Variants in CSF1R observed in about 807,000 individuals in gnomAD.
The protein encoded by CSF1R is colony stimulating factor 1 receptor.
CSF1R carries 40 observed loss-of-function variants against 110.0 expected under a neutral mutation model. The observed-to-expected ratio is 0.36, with a 90% CI of 0.28 to 0.47. The LOEUF (loss-of-function observed/expected upper bound fraction) is 0.47, where lower values mean the gene tolerates loss of function less well. Among genes scored for constraint, CSF1R ranks in the 20% least tolerant of loss-of-function variants. The probability of loss-of-function intolerance (pLI) is 0.99; values close to 1 mark genes in which losing one functional copy is unlikely to be tolerated. For missense variants in CSF1R, 1,052 were observed against 1,253.0 expected, an observed-to-expected ratio of 0.84 and a Z score of 2.42; for synonymous variants, 523 against 503.4, an observed-to-expected ratio of 1.04 and a Z score of -0.52.
intron 4 of CSF1R, 56 bp from the exon 5 acceptor site, chr5:150,077,491 T>A: frequency 6.4e-7 from 1 of 1,551,766 alleles, no homozygotes; most frequent in Non-Finnish European, 8.8e-7. Flanking sequence ...ATTAGAAAGA[T>A]CTGGGTTCCA....
chr5:150,092,687 G>A (rs879791599), intron 1 of CSF1R, among the ~76,000 whole-genome samples: 2 of 152,062 alleles, frequency 1.3e-5, no homozygotes. Context: ...TCACTACCAC[G>A]AGAACAGTAT....
At chr5:150,109,058 G>GCCC (rs60014782) in intron 1 of CSF1R, among the ~76,000 whole-genome samples, 2,097 of 118,760 alleles carry the variant, frequency 0.018, 21 homozygotes, top group Middle Eastern at 0.058. Context: ...GGAGAAGCCC[G>GCCC]CCCCCCCCCC....
Position 150,056,306 on chromosome 5 carries a change from C to T in CSF1R, c.2355G>A (p.Leu785=), listed in dbSNP as rs1292583365. ...IHRDVAARNV[L]LTNGHVAKIG... is the part of the protein sequence containing the mutation. ...TCTTGGCCACATGACCATTGGTCAA[C>T]AGCACGTTACGCGCTGCCACGTCCC... Residue 785 remains leucine (L), a synonymous_variant, in exon 17 of 21, where the codon CTG becomes CTA. Coordinates refer to ENST00000675795, the MANE Select transcript of CSF1R (RefSeq NM_001288705.3). 1.9e-6 allele frequency: 3 copies of T among 1,614,096 alleles called. No homozygotes were observed. The highest frequency in any genetic ancestry group is 2.5e-6 in the Non-Finnish European group (3 of 1,180,056).
intron 14 of CSF1R, among the ~76,000 whole-genome samples, chr5:150,058,568 C>T (rs1173939010): frequency 6.6e-6 from 1 of 152,188 alleles, no homozygotes; most frequent in Non-Finnish European, 1.5e-5. Context: ...TCCCCATCTG[C>T]GTATTTGAAG....
rs771718968 is a variant in CSF1R, at chr5:150,077,384, G to C, written c.781C>G (p.Leu261Val). Residue 261 changes from leucine (L) to valine (V), a missense_variant, in exon 5 of 21, where the codon CTG becomes GTG. By Grantham distance (32) the Leu-to-Val change is conservative. This residue lies in a region of CSF1R where 693 missense variants were observed against 735.4 expected (regional missense o/e 0.94). Coordinates refer to ENST00000675795, the MANE Select transcript of CSF1R (RefSeq NM_001288705.3). ...DFHNNRYQKV[L>V]TLNLDQVDFQ... Reference sequence around the variant, plus strand: ...TCTACTTGATCGAGGTTGAGGGTCAGGACTTTTTGGTAACGGTTATTATGA... The same window carrying C: ...TCTACTTGATCGAGGTTGAGGGTCACGACTTTTTGGTAACGGTTATTATGA... 2.5e-6 allele frequency: 4 copies of C among 1,614,148 alleles called. No homozygotes were observed. The South Asian group carries it at 3.3e-5, about 13-fold the overall frequency.
chr5:150,108,984 C>A (rs559845202), intron 1 of CSF1R, among the ~76,000 whole-genome samples: 36 of 151,104 alleles, frequency 2.4e-4, no homozygotes, highest in African/African-American at 8.8e-4. Context: ...ACAGTGGTGG[C>A]AGATTTTCTT....
chr5:150,077,478 G>A, intron 4 of CSF1R, 43 bp from the exon 5 acceptor site: 1 of 1,583,560 alleles, frequency 6.3e-7, no homozygotes, highest in Non-Finnish European at 8.6e-7. Flanking sequence ...AGGTAGTTTA[G>A]GGATTAGAAA....
upstream of CSF1R, chr5:150,086,749 A>C: frequency 2.8e-6 from 1 of 355,798 alleles, no homozygotes; most frequent in Non-Finnish European, 5.3e-6. Context: ...GGCCCTTCTA[A>C]AGCCATCTTC....
intron 5 of CSF1R, among the ~76,000 whole-genome samples, chr5:150,074,845 A>G (rs1432133131): frequency 6.6e-6 from 1 of 151,828 alleles, no homozygotes; most frequent in Non-Finnish European, 1.5e-5. Flanking sequence ...TCCTTCCTAC[A>G]CACACACACT....
At chr5:150,068,028 C>G (rs1214872386) in intron 10 of CSF1R, among the ~76,000 whole-genome samples, 187 bp downstream of exon 10, 1 of 152,080 alleles carries the variant, frequency 6.6e-6, no homozygotes, top group African/African-American at 2.4e-5. Context: ...ACAGTAAACG[C>G]TATTAGGGCA....
chr5:150,058,272 C>A, intron 14 of CSF1R: 1 of 456,246 alleles, frequency 2.2e-6, no homozygotes, highest in Non-Finnish European at 4.4e-6. Context: ...CAAGAGATGC[C>A]TATGAGAGCA....
At position 150,080,318 on chromosome 5, in the gene CSF1R, T is replaced by C. The variant is rs1350482816; in HGVS notation, c.326A>G (p.Asn109Ser). The stretch of plus-strand genomic sequence containing the variant: ...CACGACCACCTCCTGTGCTAGCACG[T>C]TCCAGGGCCGGGCAGGGTCTAGAGT... ...LYVKDPARPWNVLAQEVVVFE... is the reference protein window; with the variant it reads ...LYVKDPARPWSVLAQEVVVFE... The change falls in exon 3 of 21, where the codon AAC (asparagine) becomes AGC (serine). Residue 109 changes from asparagine to serine, a missense_variant. Physicochemically the swap from Asn to Ser is conservative, Grantham distance 46. Around this residue, in one of 5 missense-constraint regions of CSF1R, gnomAD observed 693 missense variants for 735.4 expected, o/e 0.94. Transcript: ENST00000675795. 1 of 1,613,500 alleles carries C rather than the reference T, an allele frequency of 6.2e-7. No homozygotes were observed. The highest frequency in any genetic ancestry group is 8.5e-7 in the Non-Finnish European group (1 of 1,179,892).
At chr5:150,086,931 C>A (rs1406594568), upstream of CSF1R, among the ~76,000 whole-genome samples, 2 of 152,186 alleles carry the variant, frequency 1.3e-5, no homozygotes, top group Admixed American at 6.5e-5. Flanking sequence ...TGGCTTACAA[C>A]TCCTAAAATC....
upstream of CSF1R, among the ~76,000 whole-genome samples, chr5:150,091,470 G>A (rs1759035900): frequency 6.6e-6 from 1 of 152,174 alleles, no homozygotes; most frequent in Non-Finnish European, 1.5e-5. Flanking sequence ...CTACACTGTG[G>A]ATGAACCTTG....
chr5:150,082,444 C>T (rs1473360934), intron 1 of CSF1R, among the ~76,000 whole-genome samples: 4 of 152,234 alleles, frequency 2.6e-5, no homozygotes, highest in Non-Finnish European at 5.9e-5. Context: ...GATCAGCAAA[C>T]GAGATTGAGT....
At chr5:150,079,961 TC>T in intron 3 of CSF1R, 90 bp downstream of exon 3, 4 of 1,467,286 alleles carry the variant, frequency 2.7e-6, no homozygotes, top group Non-Finnish European at 3.7e-6. Flanking sequence ...CTGCCCCCCA[TC>T]ACACCCAGTC....
Position 150,086,523 on chromosome 5 carries a change from A to G in CSF1R, c.-96T>C, listed in dbSNP as rs1374533105. 2 of 1,193,596 alleles carry G rather than the reference A, an allele frequency of 1.7e-6. No homozygotes were observed. Among genetic ancestry groups the G allele is most frequent in the Non-Finnish European group, 2.4e-6 (2 of 821,746 alleles). The allele number at this position is 1,193,596 out of a possible 1,614,324, so 73.9% of individuals were successfully genotyped here. On this transcript the variant is annotated 5_prime_UTR_variant, in exon 1 of 21. Transcript: ENST00000675795. ...AGCTCCGCAGGGATCGGGACACTGG[A>G]CACACGTTCCTCTCCTCTGCACTGG...
chr5:150,057,813 A>G (rs1245042178), intron 14 of CSF1R, among the ~76,000 whole-genome samples: 1 of 152,188 alleles, frequency 6.6e-6, no homozygotes, highest in Non-Finnish European at 1.5e-5. Context: ...TGCCTGTGAG[A>G]AAGTTCTTCA....
intron 1 of CSF1R, among the ~76,000 whole-genome samples, chr5:150,082,432 C>G (rs1183375783): frequency 6.6e-6 from 1 of 152,264 alleles, no homozygotes; most frequent in Non-Finnish European, 1.5e-5. Context: ...CCCCAAGACT[C>G]TGATCAGCAA....
Sources: allele counts gnomAD v4.1 joint callset (sites outside exome capture counted in the v4.1 genomes callset), GRCh38; gene constraint gnomAD v4.1.1; regional missense constraint gnomAD v4.1.1; transcripts MANE v1.5; gene names NCBI Gene and HGNC (gene_info 2026-07-23, HGNC 2026-07-21).